Variants in PLAGL1 observed in about 807,000 individuals in gnomAD.
The protein encoded by PLAGL1 is PLAG1 like zinc finger 1.
A neutral mutation model predicts 4.6 loss-of-function variants in PLAGL1; 1 was observed. That is an observed-to-expected ratio of 0.22 (90% CI 0.08 to 1.03). The LOEUF (loss-of-function observed/expected upper bound fraction) is 1.03, where lower values mean the gene tolerates loss of function less well. Among genes scored for constraint, PLAGL1 ranks in the 50% least tolerant of loss-of-function variants. The probability of loss-of-function intolerance (pLI) is 0.58; values close to 1 mark genes in which losing one functional copy is unlikely to be tolerated. For missense variants in PLAGL1, 464 were observed against 570.4 expected (o/e 0.81, Z 1.90); for synonymous variants, 240 against 237.8 (o/e 1.01, Z -0.08).
intron 1 of PLAGL1, among the ~76,000 whole-genome samples, chr6:144,044,351 G>A (rs140602014): frequency 0.082 from 12,526 of 152,230 alleles, 761 homozygotes; most frequent in Admixed American, 0.21. Flanking sequence ...TGCTTTAAAC[G>A]TGTCCCGGAG....
rs1784504345 is a variant in PLAGL1, at chr6:143,966,796, C to T, written c.-471-598G>A. On this transcript the variant is annotated intron_variant, in intron 3 of 7. Coordinates refer to ENST00000674357, the MANE Select transcript of PLAGL1 (RefSeq NM_001317162.2). The surrounding 1 kb of genome is among the most constrained non-coding windows in gnomAD (Gnocchi z 6.0). ...TTTTCTAATTTTAATATTTAACACT[C>T]CTATGTTATGATCCCCGCCTCCCTT... 6.6e-6 allele frequency: 1 copy of T among 152,104 alleles called. No individual in the cohort carries two copies. Among genetic ancestry groups the T allele is most frequent in the African/African-American group, 2.4e-5 (1 of 41,398 alleles). The allele number at this position is 152,104 out of a possible 1,614,324, so 9.4% of individuals were successfully genotyped here.
At position 144,058,052 on chromosome 6, in the gene PLAGL1, T is replaced by C. The variant is rs185133802; in HGVS notation, c.-151+6416A>G. Among the ~76,000 whole-genome samples, 4 of 152,314 alleles carry C rather than the reference T, an allele frequency of 2.6e-5. No homozygotes were observed. The East Asian group carries it at 7.7e-4, about 29-fold the overall frequency. The stretch of plus-strand genomic sequence containing the variant: ...GTGCTAGGCCATCTTTGCATCACTA[T>C]ACAGGAATAACTGAGACTGGTTAAT... On this transcript the variant is annotated intron_variant, in intron 1 of 3. Transcript: ENST00000437412.
chr6:143,984,110 G>T lies in PLAGL1; in HGVS notation c.-544+1025C>A, dbSNP rs1788527155. Among the ~76,000 whole-genome samples the T allele has an allele frequency of 6.6e-6, 1 of 152,074 alleles. No homozygotes were observed. The highest frequency in any genetic ancestry group is 1.5e-5 in the Non-Finnish European group (1 of 68,016). On this transcript the variant is annotated intron_variant, in intron 2 of 7. Transcript: ENST00000674357. The surrounding 1 kb of genome is among the most constrained non-coding windows in gnomAD (Gnocchi z 5.5). ...AACTATATTTATAATAATGATTTAG[G>T]CCTAACTCCAAGTCAGCTGTTTTAA...
chr6:143,996,281 C>T (rs1181849797), intron 1 of PLAGL1, among the ~76,000 whole-genome samples: 1 of 152,128 alleles, frequency 6.6e-6, no homozygotes, highest in African/African-American at 2.4e-5. Context: ...GCGATGTCTG[C>T]ATGTATGATT....
At chr6:144,014,457 C>A (rs9767615) in intron 1 of PLAGL1, among the ~76,000 whole-genome samples, 76,102 of 151,778 alleles carry the variant, frequency 0.5, 19,144 homozygotes, top group African/African-American at 0.53. Flanking sequence ...AAAAGACAGT[C>A]GGGTACTGAC....
Position 144,050,217 on chromosome 6 carries a change from G to A in PLAGL1, c.-151+14251C>T, listed in dbSNP as rs1259750621. On this transcript the variant is annotated intron_variant, in intron 1 of 3. Coordinates refer to the PLAGL1 transcript ENST00000437412. This position sits in a 1 kb window ranked among gnomAD's most constrained non-coding sequence, Gnocchi z 4.3. ...ACAAGAGATTCACATTGCCCAGAAC[G>A]TACTCATTCCAGGACAATACACCCA... is the stretch of plus-strand genomic sequence containing the variant. Among the ~76,000 whole-genome samples the A allele has an allele frequency of 4.6e-5, 7 of 152,174 alleles. No homozygotes were observed. The highest frequency in any genetic ancestry group is 1.0e-4 in the Non-Finnish European group (7 of 68,034).
Position 143,975,031 on chromosome 6 carries a change from G to T in PLAGL1, c.-543-6053C>A, listed in dbSNP as rs901932366. ...TCTGCCACAACCACCTGAGAGAGAT[G>T]GTTTTATTAATCTATTTTTGAATGA... On this transcript the variant is annotated intron_variant, in intron 2 of 7. Coordinates refer to ENST00000674357, the MANE Select transcript of PLAGL1 (RefSeq NM_001317162.2). The surrounding 1 kb of genome is among the most constrained non-coding windows in gnomAD (Gnocchi z 5.8). 2.0e-5 allele frequency among the ~76,000 whole-genome samples: 3 copies of T among 152,174 alleles called. No homozygotes were observed. The highest frequency in any genetic ancestry group is 4.4e-5 in the Non-Finnish European group (3 of 68,024).
At position 143,958,388 on chromosome 6, in the gene PLAGL1, G is replaced by A. The variant is rs370990789; in HGVS notation, c.-325+2081C>T. ...ATTTGATGGGCAGTTTTAAAGTAAC[G>A]TGCAGTAACTTTTCAAGCTCGATGT... is the stretch of plus-strand genomic sequence containing the variant. On this transcript the variant is annotated intron_variant, in intron 6 of 7. Transcript: ENST00000674357. The surrounding 1 kb of genome is among the most constrained non-coding windows in gnomAD (Gnocchi z 5.1). Among the ~76,000 whole-genome samples, 9 of 152,276 alleles carry A rather than the reference G, an allele frequency of 5.9e-5. No homozygotes were observed. Among genetic ancestry groups the A allele is most frequent in the African/African-American group, 9.6e-5 (4 of 41,554 alleles).
At chr6:144,008,620 G>A (rs905432545), upstream of PLAGL1, 1 of 152,358 alleles carries the variant, frequency 6.6e-6, no homozygotes, top group South Asian at 2.1e-4. This position sits in a 1 kb window ranked among gnomAD's most constrained non-coding sequence, Gnocchi z 6.9. Context: ...GCCGGCCTGG[G>A]GTCTGCAGCG....
rs1478099101 is a variant in PLAGL1 at position 143,973,945 on chromosome 6, A to T, written c.-543-4967T>A. Among the ~76,000 whole-genome samples the T allele has an allele frequency of 6.6e-6, 1 of 152,254 alleles. No individual in the cohort carries two copies. Among genetic ancestry groups the T allele is most frequent in the Non-Finnish European group, 1.5e-5 (1 of 68,042 alleles). On this transcript the variant is annotated intron_variant, in intron 2 of 7. Coordinates refer to ENST00000674357, the MANE Select transcript of PLAGL1 (RefSeq NM_001317162.2). This position sits in a 1 kb window ranked among gnomAD's most constrained non-coding sequence, Gnocchi z 6.2. ...GTACAACAAAAGTGTGAACAGAGAT[A>T]TAACAGGTTTTTTTGGATCCAGGTA...
chr6:144,014,158 A>T (rs879719260), intron 1 of PLAGL1, among the ~76,000 whole-genome samples: 1 of 152,192 alleles, frequency 6.6e-6, no homozygotes, highest in Non-Finnish European at 1.5e-5. Context: ...ATGGCTGGGC[A>T]TGGTGGCTCA....
chr6:143,976,173 TGA>T (rs1366160651), intron 2 of PLAGL1, among the ~76,000 whole-genome samples: 2 of 151,602 alleles, frequency 1.3e-5, no homozygotes, highest in Non-Finnish European at 2.9e-5. Flanking sequence ...CCACTAAGAC[TGA>T]GAGAACCAGA....
At chr6:144,010,024 G>T (rs986663481), upstream of PLAGL1, among the ~76,000 whole-genome samples, 6 of 152,044 alleles carry the variant, frequency 3.9e-5, no homozygotes, top group African/African-American at 1.2e-4. This position sits in a 1 kb window ranked among gnomAD's most constrained non-coding sequence, Gnocchi z 4.1. Context: ...AATTCTTTGG[G>T]TATATACCCA....
At chr6:143,981,423 GTAAC>G (rs917871082) in intron 2 of PLAGL1, among the ~76,000 whole-genome samples, 1 of 152,094 alleles carries the variant, frequency 6.6e-6, no homozygotes, top group Non-Finnish European at 1.5e-5. Context: ...CACTCTCTGT[GTAAC>G]TAACTCTCTC....
chr6:144,014,660 G>A (rs867239497), intron 1 of PLAGL1, among the ~76,000 whole-genome samples: 1 of 151,862 alleles, frequency 6.6e-6, no homozygotes, highest in African/African-American at 2.4e-5. Flanking sequence ...GCTCACTGCA[G>A]CCTCCACCTC....
intron 1 of PLAGL1, among the ~76,000 whole-genome samples, chr6:144,049,406 A>G (rs1798418660): frequency 6.6e-6 from 1 of 152,214 alleles, no homozygotes; most frequent in African/African-American, 2.4e-5. Flanking sequence ...GTCAGTTTTC[A>G]CTTTGCTATA....
rs1473568033 is a variant in PLAGL1, at chr6:144,005,541, T to C, written c.-584+2549A>G. On this transcript the variant is annotated intron_variant, in intron 1 of 7. Transcript: ENST00000674357. The surrounding 1 kb of genome is among the most constrained non-coding windows in gnomAD (Gnocchi z 4.6). ...ATATATACATCTCAATATATACATG[T>C]CTCAGGTAAATTAAAGAACAAAATG... 4.6e-5 allele frequency: 7 copies of C among 152,202 alleles called. No individual in the cohort carries two copies. The East Asian group carries it at 9.7e-4, about 21-fold the overall frequency. 9.4% of individuals were successfully genotyped at this position (152,202 alleles called of 1,614,324 possible). A position where few individuals can be genotyped will look rare whatever the true frequency, so the allele number is the denominator to read the frequency against.
rs1212901638 is a variant in PLAGL1 at position 144,005,455 on chromosome 6, G to C, written c.-584+2635C>G. 1 of 152,044 alleles carries C rather than the reference G, an allele frequency of 6.6e-6. No individual in the cohort carries two copies. The highest frequency in any genetic ancestry group is 1.9e-4 in the East Asian group (1 of 5,196). 9.4% of individuals were successfully genotyped at this position (152,044 alleles called of 1,614,324 possible). Reference sequence around the variant, plus strand: ...GTGGCACTGCTAATCACTGATATTGGGACAATTACCTTTTCATGTGGGAAT... The same window carrying C: ...GTGGCACTGCTAATCACTGATATTGCGACAATTACCTTTTCATGTGGGAAT... On this transcript the variant is annotated intron_variant, in intron 1 of 7. Transcript: ENST00000674357. The surrounding 1 kb of genome is among the most constrained non-coding windows in gnomAD (Gnocchi z 4.6).
At chr6:144,054,480 C>T (rs1377698756) in intron 1 of PLAGL1, among the ~76,000 whole-genome samples, 1 of 152,196 alleles carries the variant, frequency 6.6e-6, no homozygotes, top group Non-Finnish European at 1.5e-5. Context: ...CCATTATCCT[C>T]AGCAAACTAA....
Sources: allele counts gnomAD v4.1 joint callset (sites outside exome capture counted in the v4.1 genomes callset), GRCh38; gene constraint gnomAD v4.1.1; non-coding constraint Gnocchi (gnomAD v3.1); transcripts MANE v1.5; gene names NCBI Gene and HGNC (gene_info 2026-07-23, HGNC 2026-07-21).